PTCHD4: variants seen among roughly 807,000 people sequenced by gnomAD.
The protein encoded by PTCHD4 is patched domain-containing protein 4.
A neutral mutation model predicts 58.1 loss-of-function variants in PTCHD4; 33 were observed. The ratio of observed to expected loss-of-function variants is 0.57; its 90% confidence interval spans 0.43 to 0.76. The LOEUF (loss-of-function observed/expected upper bound fraction) is 0.76. Among genes scored for constraint, PTCHD4 ranks in the 30% least tolerant of loss-of-function variants. The pLI, the probability that PTCHD4 is intolerant of heterozygous loss-of-function variation, is 0.00. For missense variants in PTCHD4, 1,058 were observed against 1,027.1 expected, an observed-to-expected ratio of 1.03 and a Z score of -0.41; for synonymous variants, 478 against 409.6, an observed-to-expected ratio of 1.17 and a Z score of -2.02.
chr6:48,064,045 A>G (rs1450772772), intron 3 of PTCHD4, among the ~76,000 whole-genome samples: 2 of 152,178 alleles, frequency 1.3e-5, no homozygotes, highest in Admixed American at 6.5e-5. Context: ...AATGTGGTAC[A>G]TTGAAGTACA....
Position 48,108,277 on chromosome 6 carries a change from A to T in PTCHD4, c.-970+2772T>A, listed in dbSNP as rs531070269. ...CATGGAATACTATGCAGCCATAAAAAATGATGAGTTCATGTCCTTTGTAGG... is the reference window on the plus strand; with the variant it reads ...CATGGAATACTATGCAGCCATAAAATATGATGAGTTCATGTCCTTTGTAGG... On this transcript the variant is annotated intron_variant, in intron 1 of 4. Transcript: ENST00000339488. Among the ~76,000 whole-genome samples the T allele has an allele frequency of 5.8e-4, 88 of 152,348 alleles. 1 individual carries two copies. In the East Asian group the frequency reaches 0.014, roughly 24 times the overall value.
intron 3 of PTCHD4, among the ~76,000 whole-genome samples, chr6:48,048,018 TAA>T (rs34442679): frequency 0.4 from 50,877 of 127,406 alleles, 10,062 homozygotes; most frequent in East Asian, 0.59. Flanking sequence ...AGCATTCTAG[TAA>T]AAAAAAAAAA....
At chr6:47,908,011 A>G (rs1047783161) in intron 4 of PTCHD4, among the ~76,000 whole-genome samples, 9 of 152,144 alleles carry the variant, frequency 5.9e-5, no homozygotes, top group African/African-American at 2.2e-4. Flanking sequence ...CTTACATGAA[A>G]TTGATTAGAA....
intron 4 of PTCHD4, among the ~76,000 whole-genome samples, chr6:47,929,057 G>C (rs112049398): frequency 1.2e-3 from 188 of 152,024 alleles, no homozygotes; most frequent in African/African-American, 4.3e-3. Flanking sequence ...TTAGAATGAG[G>C]CTATTATTAT....
chr6:47,994,246 A>G (rs1768392553), intron 4 of PTCHD4, among the ~76,000 whole-genome samples: 1 of 152,212 alleles, frequency 6.6e-6, no homozygotes, highest in South Asian at 2.1e-4. Context: ...ATATGGTGGC[A>G]ATGGAGAGGG....
intron 4 of PTCHD4, among the ~76,000 whole-genome samples, chr6:47,886,945 G>A (rs548227500): frequency 2.0e-5 from 3 of 152,206 alleles, no homozygotes; most frequent in South Asian, 2.1e-4. Flanking sequence ...CTTACTATAC[G>A]CTAGACTGAG....
intron 1 of PTCHD4, among the ~76,000 whole-genome samples, chr6:48,107,451 A>G (rs534977998): frequency 6.6e-6 from 1 of 152,338 alleles, no homozygotes; most frequent in East Asian, 1.9e-4. Flanking sequence ...AAATTAATTC[A>G]AGATGTATTA....
chr6:47,948,391 G>A (rs1242254287), intron 4 of PTCHD4, among the ~76,000 whole-genome samples: 3 of 152,134 alleles, frequency 2.0e-5, no homozygotes, highest in African/African-American at 7.2e-5. Flanking sequence ...GCTGTATTCT[G>A]TTGTTTTAAA....
chr6:48,017,827 G>A (rs2114103893), intron 3 of PTCHD4, among the ~76,000 whole-genome samples: 1 of 152,252 alleles, frequency 6.6e-6, no homozygotes, highest in East Asian at 1.9e-4. Context: ...ATTTTTATAT[G>A]TATATATTAA....
chr6:47,992,405 G>T (rs186276823), intron 4 of PTCHD4, among the ~76,000 whole-genome samples: 14 of 152,214 alleles, frequency 9.2e-5, no homozygotes, highest in Admixed American at 5.9e-4. Flanking sequence ...CAATTTACAT[G>T]TTATCACAAA....
chr6:47,974,521 G>A (rs77668201), intron 4 of PTCHD4, among the ~76,000 whole-genome samples: 1 of 151,772 alleles, frequency 6.6e-6, no homozygotes, highest in Non-Finnish European at 1.5e-5. Context: ...GTTGTTGTGG[G>A]GGGGGCTGTC....
chr6:48,034,675 T>C (rs1031996965), intron 3 of PTCHD4, among the ~76,000 whole-genome samples: 2 of 152,134 alleles, frequency 1.3e-5, no homozygotes, highest in African/African-American at 4.8e-5. Flanking sequence ...TCCTGAGCCA[T>C]GGCATACTAC....
At chr6:47,918,676 A>G (rs1765336089) in intron 4 of PTCHD4, among the ~76,000 whole-genome samples, 1 of 152,182 alleles carries the variant, frequency 6.6e-6, no homozygotes, top group Non-Finnish European at 1.5e-5. Flanking sequence ...CTAAGTGGAA[A>G]AAAAAATCAC....
chr6:48,053,131 G>A (rs1050239135), intron 3 of PTCHD4, among the ~76,000 whole-genome samples: 2 of 151,996 alleles, frequency 1.3e-5, no homozygotes, highest in African/African-American at 4.8e-5. Flanking sequence ...ATGAATGAGA[G>A]ATCTCAGGTT....
intron 1 of PTCHD4, among the ~76,000 whole-genome samples, chr6:48,106,787 G>A (rs1256325401): frequency 6.6e-6 from 1 of 152,104 alleles, no homozygotes; most frequent in Non-Finnish European, 1.5e-5. Context: ...AAAATCACAA[G>A]GATTCTTATA....
In PTCHD4 at chr6:47,865,464, TTA is replaced by T. The variant is rs1763538585; in HGVS notation, c.*12837_*12838del. 1.3e-5 allele frequency among the ~76,000 whole-genome samples: 2 copies of T among 151,974 alleles called. No homozygotes were observed. Among genetic ancestry groups the T allele is most frequent in the African/African-American group, 4.8e-5 (2 of 41,492 alleles). On this transcript the variant is annotated 3_prime_UTR_variant, in exon 5 of 5. Coordinates refer to ENST00000339488, the MANE Select transcript of PTCHD4 (RefSeq NM_001384253.1). The stretch of plus-strand genomic sequence containing the variant: ...AGGAATGTGAAGATTAAACTATACA[TTA>T]GAGTATTGTAGTAAATAGATCACAC...
At chr6:48,008,474 C>T (rs1019017980) in intron 4 of PTCHD4, among the ~76,000 whole-genome samples, 160 bp downstream of exon 4, 6 of 152,106 alleles carry the variant, frequency 3.9e-5, no homozygotes, top group African/African-American at 1.4e-4. Context: ...TCCTGAAAGG[C>T]CCAATAAGGT....
rs1229711618 is a variant in PTCHD4 at position 47,875,965 on chromosome 6, A to G, written c.*2338T>C. 6.6e-6 allele frequency among the ~76,000 whole-genome samples: 1 copy of G among 151,846 alleles called. No homozygotes were observed. The highest frequency in any genetic ancestry group is 1.5e-5 in the Non-Finnish European group (1 of 67,882). Reference sequence around the variant, plus strand: ...GGAGTGATAGTTAATTAACTTTCTCAGTGATTATCTCCCATATTTTGATAT... The same window carrying G: ...GGAGTGATAGTTAATTAACTTTCTCGGTGATTATCTCCCATATTTTGATAT... On this transcript the variant is annotated 3_prime_UTR_variant, in exon 5 of 5. Coordinates refer to ENST00000339488, the MANE Select transcript of PTCHD4 (RefSeq NM_001384253.1).
intron 3 of PTCHD4, among the ~76,000 whole-genome samples, chr6:48,027,588 G>T (rs755090427): frequency 1.3e-5 from 2 of 152,082 alleles, no homozygotes; most frequent in South Asian, 4.1e-4. Flanking sequence ...TATAAATCTA[G>T]ATCATTTCTA....
Sources: gnomAD v4.1 joint callset for allele counts (sites outside exome capture counted in the v4.1 genomes callset) on GRCh38, gnomAD v4.1.1 for gene constraint, MANE v1.5 for transcripts, NCBI Gene and HGNC (gene_info 2026-07-23, HGNC 2026-07-21) for gene names.